RIN2: variants seen among roughly 807,000 people sequenced by gnomAD.
The protein encoded by RIN2 is RAB5 interacting protein 2.
Under a neutral mutation model 78.0 loss-of-function variants are expected in RIN2, and 36 were observed. The observed-to-expected ratio is 0.46, with a 90% CI of 0.35 to 0.61. The LOEUF is 0.61. Among genes scored for constraint, RIN2 ranks in the 20% least tolerant of loss-of-function variants. The pLI is 0.00. For missense variants in RIN2, 1,087 were observed against 1,159.7 expected, an observed-to-expected ratio of 0.94 and a Z score of 0.91; for synonymous variants, 466 against 466.8, an observed-to-expected ratio of 1.00 and a Z score of 0.02.
chr20:19,761,764 C>T (rs1408652324), intron 1 of RIN2, among the ~76,000 whole-genome samples: 3 of 152,098 alleles, frequency 2.0e-5, no homozygotes, highest in Non-Finnish European at 2.9e-5. Flanking sequence ...TCCATGCATC[C>T]GATTAATATG....
At chr20:19,795,963 A>G (rs2035041571) in intron 1 of RIN2, among the ~76,000 whole-genome samples, 1 of 152,092 alleles carries the variant, frequency 6.6e-6, no homozygotes, top group Non-Finnish European at 1.5e-5. Flanking sequence ...GGCTCAGCCT[A>G]TAATCTTGCA....
In RIN2 at chr20:19,880,191, C is replaced by T. The variant is rs956265030; in HGVS notation, c.-36-9375C>T. Among the ~76,000 whole-genome samples the T allele has an allele frequency of 3.4e-5, 5 of 149,234 alleles. No homozygotes were observed. In the East Asian group the frequency reaches 1.0e-3, roughly 30 times the overall value. On this transcript the variant is annotated intron_variant, in intron 2 of 12. Transcript: ENST00000255006. ...TGATGAACCAGGAAGGTGGAGATTG[C>T]AGTGAGCCGAGATCATGCCACTGTA...
At chr20:19,762,756 T>A (rs1004733416) in intron 1 of RIN2, among the ~76,000 whole-genome samples, 1 of 151,146 alleles carries the variant, frequency 6.6e-6, no homozygotes, top group African/African-American at 2.4e-5. Flanking sequence ...ATGTGATTTA[T>A]TTTATTTATT....
chr20:19,894,207 C>A (rs1045739315), intron 3 of RIN2, among the ~76,000 whole-genome samples: 1 of 151,986 alleles, frequency 6.6e-6, no homozygotes, highest in African/African-American at 2.4e-5. Context: ...GTACATTGAA[C>A]GAAAGAGTTT....
intron 2 of RIN2, among the ~76,000 whole-genome samples, chr20:19,885,361 T>G (rs7269046): frequency 2.0e-5 from 3 of 152,160 alleles, no homozygotes; most frequent in Non-Finnish European, 2.9e-5. Flanking sequence ...TTAATACCAA[T>G]GTATTGCGTA....
At chr20:19,834,103 G>A (rs1040652834) in intron 2 of RIN2, among the ~76,000 whole-genome samples, 3 of 152,152 alleles carry the variant, frequency 2.0e-5, no homozygotes, top group Admixed American at 1.3e-4. Context: ...TGTGTGTAAT[G>A]GTTATGGATC....
At chr20:19,892,765 A>C (rs1436460117) in intron 3 of RIN2, among the ~76,000 whole-genome samples, 1 of 152,174 alleles carries the variant, frequency 6.6e-6, no homozygotes, top group African/African-American at 2.4e-5. Flanking sequence ...GTTCTCTGTG[A>C]GGAGAAGTGA....
At chr20:19,800,582 T>C (rs567172910) in intron 2 of RIN2, among the ~76,000 whole-genome samples, 2 of 152,308 alleles carry the variant, frequency 1.3e-5, no homozygotes, top group South Asian at 4.1e-4. Flanking sequence ...AGCCAGGCCC[T>C]GCAGAGAGGC....
chr20:19,935,134 G>A lies in RIN2; in HGVS notation c.93G>A (p.Leu31=). ...CAATTGCCTCGGAGATCGGAGAACT[G>A]AAACAGGAGATGGTGCGGACAGATG... The part of the protein sequence containing the change: ...IDTIASEIGE[L]KQEMVRTDVN... The change falls in exon 4 of 13, where the codon CTG becomes CTA. Residue 31 remains leucine (L), a synonymous_variant. Coordinates refer to ENST00000255006, the MANE Select transcript of RIN2 (RefSeq NM_018993.4). The A allele has an allele frequency of 1.2e-6, 2 of 1,604,286 alleles. No individual in the cohort carries two copies. The highest frequency in any genetic ancestry group is 1.7e-6 in the Non-Finnish European group (2 of 1,175,422).
At chr20:19,897,081 T>C (rs138163561) in intron 3 of RIN2, among the ~76,000 whole-genome samples, 40 of 152,286 alleles carry the variant, frequency 2.6e-4, no homozygotes, top group African/African-American at 9.4e-4. Flanking sequence ...ACTCAGCATG[T>C]CTCAATTCAG....
chr20:19,886,593 CCTTCTT>C (rs767980692), intron 2 of RIN2: 75 of 786,420 alleles, frequency 9.5e-5, no homozygotes, highest in African/African-American at 7.4e-4. Flanking sequence ...ATGAGGGCTG[CCTTCTT>C]CTTCTTCTTC....
chr20:19,824,186 G>A (rs1029018807), intron 2 of RIN2, among the ~76,000 whole-genome samples: 7 of 152,152 alleles, frequency 4.6e-5, no homozygotes, highest in Non-Finnish European at 8.8e-5. Context: ...TTTCCTTCCT[G>A]TAAGAACAAG....
intron 2 of RIN2, chr20:19,823,342 A>C: frequency 1.7e-6 from 1 of 598,930 alleles, no homozygotes; most frequent in Non-Finnish European, 2.9e-6. Flanking sequence ...GCTGTTTGTC[A>C]TTCTCTGAGC....
chr20:19,887,183 T>G (rs1433639410), intron 2 of RIN2, among the ~76,000 whole-genome samples: 2 of 14,436 alleles, frequency 1.4e-4, no homozygotes, highest in African/African-American at 1.4e-3. Context: ...TGCCCATCTA[T>G]TTTTTTTTTT....
intron 4 of RIN2, among the ~76,000 whole-genome samples, chr20:19,947,479 G>T (rs2041142772): frequency 1.3e-5 from 2 of 152,092 alleles, no homozygotes; most frequent in Admixed American, 1.3e-4. Flanking sequence ...GACAAACAAG[G>T]TAATGAATCT....
At chr20:19,773,957 A>C (rs770106491) in intron 1 of RIN2, among the ~76,000 whole-genome samples, 1 of 151,316 alleles carries the variant, frequency 6.6e-6, no homozygotes, top group Non-Finnish European at 1.5e-5. Flanking sequence ...GCTTCATATA[A>C]AAATCACCAT....
At chr20:19,785,564 C>A (rs62200338) in intron 1 of RIN2, among the ~76,000 whole-genome samples, 10,714 of 152,176 alleles carry the variant, frequency 0.07, 607 homozygotes, top group African/African-American at 0.15. Context: ...CATCCACAGG[C>A]CTATGTTTTC....
chr20:19,883,339 T>C (rs2038084155), intron 2 of RIN2, among the ~76,000 whole-genome samples: 4 of 23,418 alleles, frequency 1.7e-4, no homozygotes, highest in Non-Finnish European at 3.5e-4. Flanking sequence ...AGAGAGGACT[T>C]TTTTTTTTTT....
chr20:19,869,406 C>A (rs892502099), intron 2 of RIN2, among the ~76,000 whole-genome samples: 1 of 152,096 alleles, frequency 6.6e-6, no homozygotes, highest in Admixed American at 6.6e-5. Context: ...GGAGACGAAG[C>A]CACGTCATCA....
Sources: allele counts gnomAD v4.1 joint callset (sites outside exome capture counted in the v4.1 genomes callset), GRCh38; gene constraint gnomAD v4.1.1; transcripts MANE v1.5; gene names NCBI Gene and HGNC (gene_info 2026-07-23, HGNC 2026-07-21).